STAG1: variants seen among roughly 807,000 people sequenced by gnomAD.
The protein encoded by STAG1 is cohesin subunit SA-1.
STAG1 carries 26 observed loss-of-function variants against 170.9 expected under a neutral mutation model. The observed-to-expected ratio is 0.15, with a 90% CI of 0.11 to 0.21. The LOEUF is 0.21. Among genes scored for constraint, STAG1 ranks in the 10% least tolerant of loss-of-function variants. The probability of loss-of-function intolerance (pLI) is 1.00; values close to 1 mark genes in which losing one functional copy is unlikely to be tolerated. For missense variants in STAG1, 964 were observed against 1,509.5 expected (o/e 0.64, Z 5.99); for synonymous variants, 514 against 497.7 (o/e 1.03, Z -0.44).
intron 1 of STAG1, among the ~76,000 whole-genome samples, chr3:136,738,419 A>G (rs1440461082): frequency 6.6e-6 from 1 of 152,214 alleles, no homozygotes; most frequent in Non-Finnish European, 1.5e-5. Context: ...TGAACCCCGG[A>G]GGCACAGGCT....
chr3:136,366,932 T>C lies in STAG1; in HGVS notation c.2685+11A>G. On this transcript the variant is annotated intron_variant, in intron 25 of 33. Transcript: ENST00000383202. ...TAGAGGAAGGAGAAAAATAAGAATA[T>C]TTAACTATACCTTCATGTAGTGTTT... 2.0e-6 allele frequency: 3 copies of C among 1,535,514 alleles called. No individual in the cohort carries two copies. The highest frequency in any genetic ancestry group is 2.6e-6 in the Non-Finnish European group (3 of 1,133,162).
chr3:136,691,654 C>T (rs754067821), intron 1 of STAG1, among the ~76,000 whole-genome samples: 20 of 152,178 alleles, frequency 1.3e-4, no homozygotes, highest in Non-Finnish European at 2.6e-4. Context: ...ATCCATTCAG[C>T]GTCCAAATGT....
intron 5 of STAG1, among the ~76,000 whole-genome samples, chr3:136,548,253 C>T (rs1295791317): frequency 1.3e-5 from 2 of 151,920 alleles, no homozygotes; most frequent in African/African-American, 4.8e-5. Flanking sequence ...GCTGGGACTA[C>T]AAGCAAGCAC....
In STAG1 at chr3:136,421,098, A is replaced by G. The variant is rs771633393; in HGVS notation, c.2103T>C (p.Phe701=). The G allele has an allele frequency of 1.3e-6, 2 of 1,597,820 alleles. No homozygotes were observed. Among genetic ancestry groups the G allele is most frequent in the Non-Finnish European group, 1.7e-6 (2 of 1,170,100 alleles). Residue 701 remains phenylalanine, a synonymous_variant, in exon 20 of 34, where the codon TTT becomes TTC. Coordinates refer to ENST00000383202, the MANE Select transcript of STAG1 (RefSeq NM_005862.3). ...CTTTAAATAAAATAACGTACTTGTG[A>G]AAAGAAGTTAACCGCTTTAATGTAG... is the stretch of plus-strand genomic sequence containing the variant. ...VLSTLKRLTS[F]HNAHDLTKWD...
intron 12 of STAG1, 143 bp downstream of exon 12, chr3:136,472,270 T>C: frequency 4.1e-6 from 2 of 491,980 alleles, no homozygotes; most frequent in African/African-American, 2.0e-5. Context: ...AAAACACTTT[T>C]TAAATCTAAC....
chr3:136,398,009 C>T (rs542955570), intron 22 of STAG1, among the ~76,000 whole-genome samples: 9 of 152,066 alleles, frequency 5.9e-5, no homozygotes, highest in Non-Finnish European at 8.8e-5. Context: ...TACAATGGCG[C>T]GATCTTGGCT....
rs1251136758 is a variant in STAG1, at chr3:136,336,618, CTGGGAGAAAGTGAG to C, written c.*1622_*1635del. ...TTCACTTCCAGTGAAGCCCACAATTCTGGGAGAAAGTGAGGCCCCAGCTCCCCTAACTGGAGCCC... is the reference window on the plus strand; with the variant it reads ...TTCACTTCCAGTGAAGCCCACAATTCGCCCCAGCTCCCCTAACTGGAGCCC... On this transcript the variant is annotated 3_prime_UTR_variant, in exon 34 of 34. Coordinates refer to ENST00000383202, the MANE Select transcript of STAG1 (RefSeq NM_005862.3). 2 of 152,112 alleles carry C rather than the reference CTGGGAGAAAGTGAG, an allele frequency of 1.3e-5. No individual in the cohort carries two copies. Among genetic ancestry groups the C allele is most frequent in the East Asian group, 3.9e-4 (2 of 5,164 alleles). 9.4% of individuals were successfully genotyped at this position (152,112 alleles called of 1,614,324 possible).
At chr3:136,659,609 G>A (rs1378898865) in intron 1 of STAG1, among the ~76,000 whole-genome samples, 2 of 152,178 alleles carry the variant, frequency 1.3e-5, no homozygotes, top group Admixed American at 6.6e-5. Context: ...CTACCTTAAA[G>A]GGCAACTACT....
chr3:136,461,561 A>G (rs2089274259), intron 13 of STAG1, among the ~76,000 whole-genome samples: 1 of 151,152 alleles, frequency 6.6e-6, no homozygotes, highest in African/African-American at 2.4e-5. Context: ...AGTCAATCCC[A>G]TTTCCATTAA....
intron 6 of STAG1, among the ~76,000 whole-genome samples, chr3:136,524,557 TTCC>T (rs1934889010): frequency 6.6e-6 from 1 of 152,222 alleles, no homozygotes; most frequent in Non-Finnish European, 1.5e-5. Flanking sequence ...ACAATTTGAC[TTCC>T]TCTTCTCCTA....
chr3:136,562,903 T>A (rs1936903026), intron 5 of STAG1, among the ~76,000 whole-genome samples: 1 of 152,222 alleles, frequency 6.6e-6, no homozygotes, highest in Non-Finnish European at 1.5e-5. Flanking sequence ...GACTATTTCA[T>A]GACACTGACT....
chr3:136,574,870 T>A (rs1281829863), intron 4 of STAG1, among the ~76,000 whole-genome samples: 1 of 152,178 alleles, frequency 6.6e-6, no homozygotes, highest in Non-Finnish European at 1.5e-5. Context: ...GAATACACAT[T>A]CTTTTCAAGT....
At chr3:136,346,078 A>G (rs1262866483) in intron 29 of STAG1, among the ~76,000 whole-genome samples, 2 of 152,214 alleles carry the variant, frequency 1.3e-5, no homozygotes, top group Non-Finnish European at 1.5e-5. Context: ...ACTACATGTC[A>G]TCTTTTCCAG....
intron 1 of STAG1, among the ~76,000 whole-genome samples, chr3:136,674,155 G>C (rs1214427179): frequency 1.0e-4 from 2 of 19,476 alleles, no homozygotes; most frequent in African/African-American, 1.9e-4. Context: ...GGGAGGGAGA[G>C]AGGGAGGGAG....
intron 28 of STAG1, among the ~76,000 whole-genome samples, chr3:136,352,310 C>T (rs756880525): frequency 3.9e-5 from 6 of 152,106 alleles, no homozygotes; most frequent in Non-Finnish European, 7.4e-5. Context: ...TACAGGCATG[C>T]ATCACCATGC....
chr3:136,459,711 G>C (rs2089221938), intron 13 of STAG1, among the ~76,000 whole-genome samples: 1 of 152,130 alleles, frequency 6.6e-6, no homozygotes, highest in Non-Finnish European at 1.5e-5. Flanking sequence ...ATTACAGAAG[G>C]AATGGAAATT....
chr3:136,613,840 C>A (rs1939440661), intron 3 of STAG1, among the ~76,000 whole-genome samples: 1 of 152,172 alleles, frequency 6.6e-6, no homozygotes, highest in Admixed American at 6.5e-5. Flanking sequence ...CAATGATTCT[C>A]TCACCAGACT....
intron 7 of STAG1, among the ~76,000 whole-genome samples, chr3:136,513,385 GA>G (rs747540546): frequency 7.9e-5 from 12 of 151,632 alleles, no homozygotes; most frequent in Non-Finnish European, 1.5e-4. Context: ...TGGAAAATAA[GA>G]AAGAACTCTT....
At chr3:136,463,771 A>ATG (rs2089351807) in intron 13 of STAG1, among the ~76,000 whole-genome samples, 2 of 29,234 alleles carry the variant, frequency 6.8e-5, no homozygotes, top group African/African-American at 1.4e-4. Flanking sequence ...GTGTGTGTAT[A>ATG]CACACACACA....
Sources: gnomAD v4.1 joint callset for allele counts (sites outside exome capture counted in the v4.1 genomes callset) on GRCh38, gnomAD v4.1.1 for gene constraint, MANE v1.5 for transcripts, NCBI Gene and HGNC (gene_info 2026-07-23, HGNC 2026-07-21) for gene names.